The following AXDND1 variants were observed in gnomAD, a reference collection of about 807,000 sequenced individuals.
AXDND1 encodes axonemal dynein light chain domain containing 1, also known as axonemal dynein light chain domain-containing protein 1.
In AXDND1, 110 loss-of-function variants were observed where a neutral mutation model predicts 137.5. That is an observed-to-expected ratio of 0.80 (90% CI 0.69 to 0.94). AXDND1 has a LOEUF of 0.94. Among genes scored for constraint, AXDND1 ranks in the 40% least tolerant of loss-of-function variants. The probability of loss-of-function intolerance (pLI) is 0.00; values close to 1 mark genes in which losing one functional copy is unlikely to be tolerated. For missense variants in AXDND1, 1,191 were observed against 1,169.8 expected (o/e 1.02, Z -0.26); for synonymous variants, 414 against 399.7 (o/e 1.04, Z -0.43).
At chr1:179,520,322 A>G (rs1411416470) in intron 21 of AXDND1, among the ~76,000 whole-genome samples, 2 of 152,214 alleles carry the variant, frequency 1.3e-5, no homozygotes, top group African/African-American at 4.8e-5. Context: ...GGATCATGTC[A>G]TCTGCAAACA....
At chr1:179,499,458 G>A (rs1021672770) in intron 20 of AXDND1, among the ~76,000 whole-genome samples, 10 of 152,106 alleles carry the variant, frequency 6.6e-5, no homozygotes, top group South Asian at 2.1e-4. Context: ...AAAGATTAGT[G>A]GCTGCCTGGA....
chr1:179,421,190 G>A (rs1333842893), intron 12 of AXDND1, among the ~76,000 whole-genome samples: 1 of 151,430 alleles, frequency 6.6e-6, no homozygotes, highest in Non-Finnish European at 1.5e-5. Context: ...CTGCTTTTAT[G>A]CCATTACCAT....
At chr1:179,408,429 T>A (rs1286563807) in intron 11 of AXDND1, among the ~76,000 whole-genome samples, 1 of 151,506 alleles carries the variant, frequency 6.6e-6, no homozygotes, top group Non-Finnish European at 1.5e-5. Context: ...CAGGCTGGAG[T>A]GTACTGGTGT....
intron 16 of AXDND1, among the ~76,000 whole-genome samples, chr1:179,462,732 A>G (rs966888444): frequency 4.7e-5 from 7 of 149,670 alleles, no homozygotes; most frequent in African/African-American, 1.2e-4. Flanking sequence ...TTATTGGTCT[A>G]TTCAGGGATT....
intron 16 of AXDND1, among the ~76,000 whole-genome samples, chr1:179,465,513 G>T (rs181733780): frequency 2.0e-5 from 3 of 152,238 alleles, no homozygotes; most frequent in Admixed American, 6.5e-5. Context: ...CTGGCCGTAT[G>T]AGGTGTCAGT....
chr1:179,442,290 T>C (rs1287955469), intron 15 of AXDND1, among the ~76,000 whole-genome samples: 1 of 152,210 alleles, frequency 6.6e-6, no homozygotes, highest in African/African-American at 2.4e-5. Flanking sequence ...GACGACAGAT[T>C]CTTTCAGATT....
At chr1:179,525,599 T>G in intron 22 of AXDND1, 152 bp downstream of exon 22, 1 of 910,020 alleles carries the variant, frequency 1.1e-6, no homozygotes, top group South Asian at 2.1e-5. Flanking sequence ...GGGGCTCAAA[T>G]GATCCTCCTG....
chr1:179,512,296 C>A (rs757271768), intron 21 of AXDND1, among the ~76,000 whole-genome samples: 6 of 152,248 alleles, frequency 3.9e-5, no homozygotes, highest in Non-Finnish European at 8.8e-5. Flanking sequence ...GCCAATTATC[C>A]CAGCACCATT....
At chr1:179,377,832 A>T (rs1053966310) in intron 4 of AXDND1, among the ~76,000 whole-genome samples, 2 of 152,172 alleles carry the variant, frequency 1.3e-5, no homozygotes, top group South Asian at 4.1e-4. Context: ...TGTTTAACAC[A>T]AGTGATCGAT....
chr1:179,470,061 C>T (rs989935708), intron 17 of AXDND1, among the ~76,000 whole-genome samples: 2 of 152,130 alleles, frequency 1.3e-5, no homozygotes, highest in Non-Finnish European at 2.9e-5. Context: ...GTTGTACCAG[C>T]ACCATTTGTT....
intron 25 of AXDND1, chr1:179,549,058 C>T (rs1388850965): frequency 6.6e-6 from 1 of 152,114 alleles, no homozygotes; most frequent in African/African-American, 2.4e-5. Context: ...GCTCCAATGC[C>T]AAACTGGAAC....
chr1:179,441,928 A>G (rs1659047792), intron 15 of AXDND1, among the ~76,000 whole-genome samples: 1 of 152,254 alleles, frequency 6.6e-6, no homozygotes, highest in South Asian at 2.1e-4. Flanking sequence ...ATCAAAGGGT[A>G]AAAGACGCAT....
Position 179,447,270 on chromosome 1 carries a change from G to A in AXDND1, c.1798+2066G>A, listed in dbSNP as rs552091177. 3.3e-5 allele frequency among the ~76,000 whole-genome samples: 5 copies of A among 152,200 alleles called. No individual in the cohort carries two copies. The East Asian group carries it at 5.8e-4, about 18-fold the overall frequency. On this transcript the variant is annotated intron_variant, in intron 16 of 25. Transcript: ENST00000367618. ...ATCATTCTATTCTCTATCTCCACAA[G>A]ATCAAATTTTTTAGGTTCCACACAT...
intron 20 of AXDND1, among the ~76,000 whole-genome samples, chr1:179,504,550 A>T (rs866985625): frequency 3.3e-5 from 5 of 152,222 alleles, no homozygotes; most frequent in African/African-American, 4.8e-5. Flanking sequence ...GGCTATAGCC[A>T]TATGGAGGAC....
In AXDND1 at chr1:179,528,675, T is replaced by G. The variant is rs1481141189; in HGVS notation, c.2715+244T>G. ...TTTTTTTTTTTTGACAGAGTTTTGC[T>G]CTGCCTCCCGGGTTCAAGCGATTCT... On this transcript the variant is annotated intron_variant, in intron 23 of 25. Coordinates refer to ENST00000367618, the MANE Select transcript of AXDND1 (RefSeq NM_144696.6). 2.1e-5 allele frequency among the ~76,000 whole-genome samples: 3 copies of G among 142,044 alleles called. No individual in the cohort carries two copies. In the Admixed American group the frequency reaches 2.3e-4, roughly 11 times the overall value. 93.2% of individuals were successfully genotyped at this position (142,044 alleles called of 152,430 possible). A position where few individuals can be genotyped will look rare whatever the true frequency, so the allele number is the denominator to read the frequency against.
chr1:179,442,927 G>C (rs537334693), intron 15 of AXDND1, among the ~76,000 whole-genome samples: 2 of 152,242 alleles, frequency 1.3e-5, no homozygotes, highest in East Asian at 3.9e-4. Flanking sequence ...CCTTGCCTCT[G>C]GTGCACAAGG....
intron 11 of AXDND1, among the ~76,000 whole-genome samples, chr1:179,404,205 CT>C (rs1186012315): frequency 5.4e-5 from 8 of 147,916 alleles, no homozygotes; most frequent in African/African-American, 2.0e-4. Flanking sequence ...CTGTGTTCAT[CT>C]GTGAGCTTTT....
At chr1:179,550,626 G>A (rs773220165) in intron 25 of AXDND1, 6 of 155,834 alleles carry the variant, frequency 3.9e-5, no homozygotes, top group Non-Finnish European at 7.1e-5. Flanking sequence ...AAACATTTAA[G>A]TGTCACTTTA....
At chr1:179,436,436 C>T (rs935555464) in intron 15 of AXDND1, among the ~76,000 whole-genome samples, 8 of 152,106 alleles carry the variant, frequency 5.3e-5, no homozygotes, top group African/African-American at 1.9e-4. Flanking sequence ...GACATGGAAC[C>T]AACCCAATGC....
Sources: allele counts gnomAD v4.1 joint callset (sites outside exome capture counted in the v4.1 genomes callset), GRCh38; gene constraint gnomAD v4.1.1; transcripts MANE v1.5; gene names NCBI Gene and HGNC (gene_info 2026-07-23, HGNC 2026-07-21).